The following NCKAP1 variants were observed in gnomAD, a reference collection of about 807,000 sequenced individuals.
The protein encoded by NCKAP1 is NCK associated protein 1, also known as nck-associated protein 1.
A neutral mutation model predicts 151.2 loss-of-function variants in NCKAP1; 21 were observed. The ratio of observed to expected loss-of-function variants is 0.14; its 90% CI spans 0.10 to 0.20. The LOEUF (loss-of-function observed/expected upper bound fraction) is 0.20, where lower values mean the gene tolerates loss of function less well. Ranked by LOEUF, NCKAP1 falls within the 10% of genes least tolerant of loss-of-function variation. NCKAP1 has a pLI of 1.00. For missense variants in NCKAP1, 933 were observed against 1,352.1 expected (o/e 0.69, Z 4.86); for synonymous variants, 484 against 451.8 (o/e 1.07, Z -0.90).
At chr2:182,980,334 CTTA>C (rs1422737619) in intron 13 of NCKAP1, among the ~76,000 whole-genome samples, 1 of 151,452 alleles carries the variant, frequency 6.6e-6, no homozygotes, top group Non-Finnish European at 1.5e-5. Context: ...AATTTTTTTC[CTTA>C]TTATATTTTT....
chr2:182,983,348 T>C lies in NCKAP1; in HGVS notation c.1039A>G (p.Arg347Gly). 6.2e-7 allele frequency: 1 copy of C among 1,613,480 alleles called. No homozygotes were observed. The change falls in exon 11 of 31, where the codon AGA becomes GGA. Residue 347 changes from arginine to glycine, a missense_variant. Transcript: ENST00000361354. ...SMHRERRKFL[R>G]SALKELATVL... Reference sequence around the variant, plus strand: ...GTAGCCAATTCCTTCAGTGCAGATCTTAAAAACTTGCGTCTTTCTCTGTGC... The same window carrying C: ...GTAGCCAATTCCTTCAGTGCAGATCCTAAAAACTTGCGTCTTTCTCTGTGC...
intron 10 of NCKAP1, among the ~76,000 whole-genome samples, chr2:182,985,010 A>G (rs1466963899): frequency 2.0e-5 from 3 of 152,244 alleles, no homozygotes; most frequent in African/African-American, 7.2e-5. Flanking sequence ...AATAATAATT[A>G]TGTGCATTTC....
intron 8 of NCKAP1, among the ~76,000 whole-genome samples, chr2:182,993,038 G>T (rs899920547): frequency 6.6e-6 from 1 of 152,114 alleles, no homozygotes; most frequent in Non-Finnish European, 1.5e-5. Context: ...GTAATAAAAA[G>T]TCAACAAATA....
At chr2:183,023,373 T>C (rs886797508) in intron 2 of NCKAP1, among the ~76,000 whole-genome samples, 5 of 152,128 alleles carry the variant, frequency 3.3e-5, no homozygotes, top group African/African-American at 1.2e-4. Context: ...TTGTCAATTA[T>C]GAAAATACTA....
At chr2:182,994,571 G>C (rs1434011255) in intron 8 of NCKAP1, among the ~76,000 whole-genome samples, 2 of 151,854 alleles carry the variant, frequency 1.3e-5, no homozygotes, top group Non-Finnish European at 2.9e-5. Context: ...CCCAGGAGGC[G>C]GAGGTTGCAG....
At chr2:182,995,030 T>A (rs1473473513) in intron 7 of NCKAP1, 143 bp from the exon 8 acceptor site, 1 of 660,672 alleles carries the variant, frequency 1.5e-6, no homozygotes, top group Non-Finnish European at 2.6e-6. Context: ...AAGAGCTGGA[T>A]AAAAGTTTTA....
intron 24 of NCKAP1, among the ~76,000 whole-genome samples, chr2:182,937,999 G>T (rs1308237944): frequency 6.6e-6 from 1 of 152,176 alleles, no homozygotes; most frequent in Non-Finnish European, 1.5e-5. Flanking sequence ...CTAAACTTTT[G>T]TATGATTCCA....
intron 8 of NCKAP1, among the ~76,000 whole-genome samples, chr2:182,992,657 A>G (rs755541463): frequency 3.9e-5 from 6 of 152,242 alleles, no homozygotes; most frequent in Non-Finnish European, 5.9e-5. Flanking sequence ...AAGAAAATAT[A>G]AATATCACAA....
intron 15 of NCKAP1, among the ~76,000 whole-genome samples, chr2:182,972,590 A>G (rs140477147): frequency 1.4e-3 from 207 of 152,340 alleles, no homozygotes; most frequent in Non-Finnish European, 2.5e-3. Context: ...GGAAATCAAC[A>G]TACTGAAGAA....
In NCKAP1 at chr2:182,922,305, A is replaced by G. The variant is rs1310771626; in HGVS notation, c.*3397T>C. The stretch of plus-strand genomic sequence containing the variant: ...CAACAGACTTTACATTTTCACATTA[A>G]TGCAAGAGCCTATCAGTGAATTCAT... On this transcript the variant is annotated 3_prime_UTR_variant, in exon 31 of 31. Coordinates refer to ENST00000361354, the MANE Select transcript of NCKAP1 (RefSeq NM_013436.5). The G allele has an allele frequency of 6.6e-6, 1 of 152,236 alleles. No individual in the cohort carries two copies. The highest frequency in any genetic ancestry group is 1.5e-5 in the Non-Finnish European group (1 of 68,044). 9.4% of individuals were successfully genotyped at this position (152,236 alleles called of 1,614,324 possible).
Position 182,982,933 on chromosome 2 carries a change from TA to T in NCKAP1, c.1102-7del, listed in dbSNP as rs750966244. ...GCCATAAAAACAAAAAGTGCCTGTTTAAAAAAAAGTAAGTGTTTATTCTTAT... is the reference window on the plus strand; with the variant it reads ...GCCATAAAAACAAAAAGTGCCTGTTTAAAAAAAGTAAGTGTTTATTCTTAT... On this transcript the variant is annotated splice_region_variant and splice_polypyrimidine_tract_variant and intron_variant, in intron 11 of 30. Coordinates refer to ENST00000361354, the MANE Select transcript of NCKAP1 (RefSeq NM_013436.5). 1.0e-5 allele frequency: 16 copies of T among 1,570,004 alleles called. No homozygotes were observed. The highest frequency in any genetic ancestry group is 3.5e-5 in the South Asian group (3 of 84,912).
At chr2:183,036,688 A>G (rs1226721337) in intron 1 of NCKAP1, among the ~76,000 whole-genome samples, 2 of 152,160 alleles carry the variant, frequency 1.3e-5, no homozygotes, top group Non-Finnish European at 2.9e-5. Context: ...CAATTAGGTG[A>G]GCAACCAGAC....
At position 182,911,411 on chromosome 2, in the gene NCKAP1, A is replaced by C. The variant is rs1336396251; in HGVS notation, c.*14291T>G. On this transcript the variant is annotated 3_prime_UTR_variant, in exon 31 of 31. Coordinates refer to ENST00000361354, the MANE Select transcript of NCKAP1 (RefSeq NM_013436.5). Reference sequence around the variant, plus strand: ...AGGGGATTAATTCACAAAACAGCCTATACTATATGAATAAGACCAAAAAAT... The same window carrying C: ...AGGGGATTAATTCACAAAACAGCCTCTACTATATGAATAAGACCAAAAAAT... 6.6e-6 allele frequency: 1 copy of C among 152,204 alleles called. No individual in the cohort carries two copies. The highest frequency in any genetic ancestry group is 1.5e-5 in the Non-Finnish European group (1 of 68,038). 9.4% of individuals were successfully genotyped at this position (152,204 alleles called of 1,614,324 possible).
intron 2 of NCKAP1, among the ~76,000 whole-genome samples, chr2:183,014,667 A>G (rs998504743): frequency 3.3e-5 from 5 of 152,208 alleles, no homozygotes; most frequent in African/African-American, 9.6e-5. Flanking sequence ...TGTGTTATTT[A>G]TTCCATTGTA....
At chr2:183,036,758 A>C (rs1417878303) in intron 1 of NCKAP1, among the ~76,000 whole-genome samples, 3 of 151,968 alleles carry the variant, frequency 2.0e-5, no homozygotes, top group African/African-American at 7.3e-5. Context: ...ATTAGTGTCT[A>C]CATCAAATTG....
At chr2:182,938,699 T>C (rs1029215561) in intron 24 of NCKAP1, among the ~76,000 whole-genome samples, 13 of 152,190 alleles carry the variant, frequency 8.5e-5, no homozygotes, top group Admixed American at 2.6e-4. Flanking sequence ...GGAGACTTTC[T>C]AGGGATCAGG....
At chr2:182,939,550 GATAAA>G (rs894722542) in intron 24 of NCKAP1, among the ~76,000 whole-genome samples, 5 of 151,704 alleles carry the variant, frequency 3.3e-5, no homozygotes, top group Admixed American at 1.3e-4. Context: ...AATAAAAATA[GATAAA>G]ATAAAATAAA....
intron 23 of NCKAP1, among the ~76,000 whole-genome samples, chr2:182,942,725 G>A (rs1187830936): frequency 6.6e-6 from 1 of 151,658 alleles, no homozygotes; most frequent in Non-Finnish European, 1.5e-5. Context: ...TGAGAAAAGG[G>A]AAGAGAAAAG....
intron 2 of NCKAP1, among the ~76,000 whole-genome samples, chr2:183,008,352 T>A (rs1559104305): frequency 6.6e-6 from 1 of 152,234 alleles, no homozygotes; most frequent in Non-Finnish European, 1.5e-5. Context: ...AAAGTTTTTA[T>A]AACTCTAACA....
Sources: gnomAD v4.1 joint callset for allele counts (sites outside exome capture counted in the v4.1 genomes callset) on GRCh38, gnomAD v4.1.1 for gene constraint, MANE v1.5 for transcripts, NCBI Gene and HGNC (gene_info 2026-07-23, HGNC 2026-07-21) for gene names.